The following SLC37A2 variants were observed in gnomAD, a reference collection of about 807,000 sequenced individuals.
SLC37A2 encodes solute carrier family 37 member 2, also known as glucose-6-phosphate exchanger SLC37A2.
Under a neutral mutation model 70.7 loss-of-function variants are expected in SLC37A2, and 59 were observed. The observed-to-expected ratio is 0.83, with a 90% confidence interval of 0.68 to 1.04. SLC37A2 has a LOEUF of 1.04. Ranked by LOEUF, SLC37A2 falls within the 50% of genes least tolerant of loss-of-function variation. The pLI, the probability that SLC37A2 is intolerant of heterozygous loss-of-function variation, is 0.00. For synonymous variants in SLC37A2, 257 were observed against 262.1 expected (o/e 0.98, Z 0.19); for missense variants, 580 against 658.1 (o/e 0.88, Z 1.30).
At chr11:125,066,755 A>G (rs1948984308) in intron 1 of SLC37A2, among the ~76,000 whole-genome samples, 1 of 152,098 alleles carries the variant, frequency 6.6e-6, no homozygotes, top group Non-Finnish European at 1.5e-5. Flanking sequence ...AAAAAATTTT[A>G]AGATATAATA....
chr11:125,073,166 A>C (rs566357142), intron 1 of SLC37A2, among the ~76,000 whole-genome samples: 2 of 152,274 alleles, frequency 1.3e-5, no homozygotes, highest in East Asian at 3.9e-4. Context: ...GTCAGGATGC[A>C]CGTGGGGACC....
At chr11:125,079,885 A>G in intron 6 of SLC37A2, 125 bp downstream of exon 6, 1 of 740,008 alleles carries the variant, frequency 1.4e-6, no homozygotes. Context: ...GTTGCTGTTC[A>G]CGTGCTTAGA....
chr11:125,083,976 G>A lies in SLC37A2; in HGVS notation c.1039+99G>A. ...GTCCGATGGGCTATGACCTGGGTAG[G>A]TGGCACCAGAGGAAAAATGGCTCCT... On this transcript the variant is annotated intron_variant, in intron 11 of 17. Coordinates refer to ENST00000403796, the MANE Select transcript of SLC37A2 (RefSeq NM_001145290.2). The surrounding 1 kb of genome is among the most constrained non-coding windows in gnomAD (Gnocchi z 4.6). 3.2e-6 allele frequency: 4 copies of A among 1,244,398 alleles called. No individual in the cohort carries two copies. Among genetic ancestry groups the A allele is most frequent in the Non-Finnish European group, 4.7e-6 (4 of 857,858 alleles). The allele number at this position is 1,244,398 out of a possible 1,614,324, so 77.1% of individuals were successfully genotyped here. A position where few individuals can be genotyped will look rare whatever the true frequency, so the allele number is the denominator to read the frequency against.
chr11:125,069,264 T>C (rs1281113524), intron 1 of SLC37A2, among the ~76,000 whole-genome samples: 2 of 152,250 alleles, frequency 1.3e-5, no homozygotes, highest in African/African-American at 4.8e-5. Flanking sequence ...ACCACACAGC[T>C]GATAAATGAC....
chr11:125,064,314 C>T (rs767287757), intron 1 of SLC37A2, among the ~76,000 whole-genome samples: 2 of 152,138 alleles, frequency 1.3e-5, no homozygotes, highest in African/African-American at 2.4e-5. Context: ...TGGCCAACAT[C>T]GTGAGACCAC....
chr11:125,076,522 C>G (rs574640680), intron 1 of SLC37A2, among the ~76,000 whole-genome samples: 1 of 152,256 alleles, frequency 6.6e-6, no homozygotes, highest in South Asian at 2.1e-4. Flanking sequence ...GGGCTGGGGC[C>G]GAGCCGGCTG....
At chr11:125,071,739 G>A (rs548579111) in intron 1 of SLC37A2, among the ~76,000 whole-genome samples, 4 of 151,762 alleles carry the variant, frequency 2.6e-5, no homozygotes, top group African/African-American at 7.3e-5. Flanking sequence ...AGAGGGTCTT[G>A]TCCTGTCTTG....
chr11:125,076,950 G>A (rs1351385362), intron 2 of SLC37A2, 112 bp downstream of exon 2: 3 of 1,014,320 alleles, frequency 3.0e-6, no homozygotes, highest in Non-Finnish European at 4.5e-6. Context: ...CCCACTCTCA[G>A]TGGCTGTCTT....
chr11:125,084,369 G>C (rs776622297), intron 12 of SLC37A2, 50 bp downstream of exon 12: 5 of 1,588,536 alleles, frequency 3.1e-6, no homozygotes, highest in African/African-American at 2.7e-5. Flanking sequence ...GCAGGAGCCT[G>C]TGTGGGCCTC....
chr11:125,084,016 C>T (rs1235301510), intron 11 of SLC37A2, 139 bp downstream of exon 11: 1 of 975,852 alleles, frequency 1.0e-6, no homozygotes, highest in Non-Finnish European at 1.6e-6. Context: ...TTATTCTCAG[C>T]TCTGATCCTG....
At chr11:125,088,014 C>A in intron 17 of SLC37A2, 105 bp from the exon 18 acceptor site, 1 of 1,237,698 alleles carries the variant, frequency 8.1e-7, no homozygotes, top group African/African-American at 1.5e-5. Context: ...GAGATGAAAG[C>A]AATGATGAAG....
intron 10 of SLC37A2, 76 bp downstream of exon 10, chr11:125,082,410 G>A (rs765437358): frequency 7.1e-5 from 90 of 1,264,660 alleles, no homozygotes; most frequent in East Asian, 1.9e-4. Context: ...GAAGCCCGTC[G>A]TGGTGATGCC....
At chr11:125,078,182 C>CA (rs1197370306) in intron 4 of SLC37A2, among the ~76,000 whole-genome samples, 2 of 152,182 alleles carry the variant, frequency 1.3e-5, no homozygotes, top group Admixed American at 1.3e-4. Context: ...GCAAGTAGGG[C>CA]AAATGTGAAG....
In SLC37A2 at chr11:125,083,941, G is replaced by T. The variant is rs905954129; in HGVS notation, c.1039+64G>T. On this transcript the variant is annotated intron_variant, in intron 11 of 17. Coordinates refer to ENST00000403796, the MANE Select transcript of SLC37A2 (RefSeq NM_001145290.2). This position sits in a 1 kb window ranked among gnomAD's most constrained non-coding sequence, Gnocchi z 4.6. ...CCTCTTTTCTTGTGGGGTGCAGGAA[G>T]AAGGGACAGGTCCGATGGGCTATGA... is the stretch of plus-strand genomic sequence containing the variant. 5.3e-6 allele frequency: 8 copies of T among 1,518,156 alleles called. No homozygotes were observed. Among genetic ancestry groups the T allele is most frequent in the African/African-American group, 2.7e-5 (2 of 72,998 alleles). 94.0% of individuals were successfully genotyped at this position (1,518,156 alleles called of 1,614,324 possible).
Position 125,079,691 on chromosome 11 carries a change from A to G in SLC37A2, c.458A>G (p.Asn153Ser), listed in dbSNP as rs1360756340. ...LWYFVVIQVCNGLVQTTGWPS... is the reference protein window; with the variant it reads ...LWYFVVIQVCSGLVQTTGWPS... ...CCTTCTCTCTCCCTGCAGGTCTGTA[A>G]TGGACTCGTCCAGACCACAGGCTGG... Residue 153 changes from asparagine to serine, a missense_variant, in exon 6 of 18, where the codon AAT becomes AGT. Asn to Ser is a conservative substitution (Grantham distance 46, BLOSUM62 1). Transcript: ENST00000403796. 6.2e-7 allele frequency: 1 copy of G among 1,602,842 alleles called. No individual in the cohort carries two copies. Among genetic ancestry groups the G allele is most frequent in the Non-Finnish European group, 8.5e-7 (1 of 1,174,430 alleles).
In SLC37A2 at chr11:125,088,987, G is replaced by A. The variant is rs1028838551; in HGVS notation, c.*853G>A. The A allele has an allele frequency of 6.6e-6, 1 of 152,260 alleles. No homozygotes were observed. The highest frequency in any genetic ancestry group is 1.5e-5 in the Non-Finnish European group (1 of 68,074). The allele number at this position is 152,260 out of a possible 1,614,324, so 9.4% of individuals were successfully genotyped here. ...GGAATGGAGTAGACAGTGGACACAA[G>A]AAGGACTTACGCCCTGAGCACAGGT... On this transcript the variant is annotated 3_prime_UTR_variant, in exon 18 of 18. Coordinates refer to ENST00000403796, the MANE Select transcript of SLC37A2 (RefSeq NM_001145290.2).
intron 8 of SLC37A2, 70 bp downstream of exon 8, chr11:125,081,528 C>T: frequency 6.5e-7 from 1 of 1,531,190 alleles, no homozygotes; most frequent in Non-Finnish European, 8.8e-7. Flanking sequence ...CCGGAGAGGC[C>T]TGGGGAGCTA....
chr11:125,078,930 G>T (rs1218433305), intron 4 of SLC37A2, among the ~76,000 whole-genome samples, 182 bp from the exon 5 acceptor site: 1 of 152,050 alleles, frequency 6.6e-6, no homozygotes, highest in East Asian at 1.9e-4. Context: ...AATTCATGGA[G>T]CATGGCCAGG....
At chr11:125,087,988 C>A in intron 17 of SLC37A2, 131 bp from the exon 18 acceptor site, 1 of 983,164 alleles carries the variant, frequency 1.0e-6, no homozygotes, top group Non-Finnish European at 1.5e-6. Context: ...AAAGGGAGGC[C>A]TCATTACAGA....
Sources: gnomAD v4.1 joint callset for allele counts (sites outside exome capture counted in the v4.1 genomes callset) on GRCh38, gnomAD v4.1.1 for gene constraint, Gnocchi (gnomAD v3.1) non-coding constraint, MANE v1.5 for transcripts, NCBI Gene and HGNC (gene_info 2026-07-23, HGNC 2026-07-21) for gene names.